PCNP: variants seen among roughly 807,000 people sequenced by gnomAD.
PCNP encodes PEST proteolytic signal containing nuclear protein.
Under a neutral mutation model 21.8 loss-of-function variants are expected in PCNP, and 6 were observed. The observed-to-expected ratio is 0.28, with a 90% confidence interval of 0.15 to 0.54. The LOEUF (loss-of-function observed/expected upper bound fraction) is 0.54. PCNP is among the 20% of genes least tolerant of loss of function. The pLI is 0.95. For missense variants in PCNP, 161 were observed against 215.5 expected (o/e 0.75, Z 1.58); for synonymous variants, 67 against 73.2 (o/e 0.92, Z 0.43).
At chr3:101,576,982 G>A (rs904171685) in intron 1 of PCNP, 2 of 941,260 alleles carry the variant, frequency 2.1e-6, no homozygotes, top group Middle Eastern at 3.2e-4. Flanking sequence ...TAGGCCTCCT[G>A]TGGAGGAGCA....
intron 1 of PCNP, among the ~76,000 whole-genome samples, chr3:101,575,378 T>C (rs1576601210): frequency 2.0e-5 from 3 of 152,252 alleles, no homozygotes; most frequent in East Asian, 1.9e-4. Flanking sequence ...TTAAGTGTAA[T>C]GTTAATTACT....
At chr3:101,588,323 C>G (rs1307800328) in intron 3 of PCNP, among the ~76,000 whole-genome samples, 1 of 152,156 alleles carries the variant, frequency 6.6e-6, no homozygotes, top group Non-Finnish European at 1.5e-5. Flanking sequence ...TGCCAGTGCA[C>G]ACACATGTTG....
intron 1 of PCNP, among the ~76,000 whole-genome samples, chr3:101,575,772 A>G (rs929621287): frequency 1.3e-5 from 2 of 152,208 alleles, no homozygotes; most frequent in African/African-American, 4.8e-5. Context: ...GAGTGTCATT[A>G]TAAATCCACT....
chr3:101,576,810 C>T (rs1576604113), intron 1 of PCNP: 1 of 1,610,502 alleles, frequency 6.2e-7, no homozygotes, highest in South Asian at 1.1e-5. Context: ...TGTCTGCTTT[C>T]CTCAACACCA....
intron 2 of PCNP, among the ~76,000 whole-genome samples, chr3:101,582,977 T>G (rs746879962): frequency 5.9e-5 from 9 of 152,196 alleles, no homozygotes; most frequent in Non-Finnish European, 1.0e-4. Context: ...TTAAACAGAT[T>G]TGCATCTTAG....
chr3:101,592,547 A>C (rs990378212), intron 4 of PCNP, 80 bp from the exon 5 acceptor site: 14 of 1,153,338 alleles, frequency 1.2e-5, no homozygotes, highest in Middle Eastern at 2.1e-4. Context: ...TGCTAAACAA[A>C]CATGTATTGA....
chr3:101,581,591 G>A (rs1245101429), intron 2 of PCNP, among the ~76,000 whole-genome samples: 6 of 151,826 alleles, frequency 4.0e-5, no homozygotes, highest in African/African-American at 1.5e-4. Flanking sequence ...ACGCCACCAC[G>A]TCTGGCTAAT....
intron 4 of PCNP, among the ~76,000 whole-genome samples, chr3:101,592,354 A>G (rs1173659471): frequency 6.6e-6 from 1 of 151,760 alleles, no homozygotes; most frequent in Non-Finnish European, 1.5e-5. Context: ...TCGTATTTTT[A>G]GTAGAGACGG....
chr3:101,588,807 A>G (rs1479782934), intron 3 of PCNP, among the ~76,000 whole-genome samples: 6 of 152,376 alleles, frequency 3.9e-5, no homozygotes, highest in Non-Finnish European at 8.8e-5. Context: ...AAATACCACA[A>G]AAGTGATGCC....
intron 4 of PCNP, 49 bp downstream of exon 4, chr3:101,590,319 A>G (rs376792719): frequency 6.0e-5 from 57 of 953,324 alleles, no homozygotes; most frequent in Middle Eastern, 4.5e-4. Context: ...AGGTGAATTA[A>G]CAAAAATAAC....
chr3:101,579,642 C>T (rs745771160), intron 1 of PCNP, 148 bp from the exon 2 acceptor site: 61 of 724,204 alleles, frequency 8.4e-5, no homozygotes, highest in Non-Finnish European at 1.4e-4. Flanking sequence ...CTGCTGTATA[C>T]TCTAACAAAC....
chr3:101,585,313 TC>T, intron 2 of PCNP, 123 bp from the exon 3 acceptor site: 1 of 605,506 alleles, frequency 1.7e-6, no homozygotes, highest in Middle Eastern at 4.1e-4. Flanking sequence ...AGTATTGGGT[TC>T]GTTACTATAC....
At position 101,592,159 on chromosome 3, in the gene PCNP, G is replaced by GT. The variant is rs1935845354; in HGVS notation, c.411-462dup. ...TTTTTTGTTTTTTGTTTTTTTGTGT[G>GT]TTTTTTGTTTTTTGTTTTTTTGTTT... On this transcript the variant is annotated intron_variant, in intron 4 of 4. Transcript: ENST00000265260. Among the ~76,000 whole-genome samples the GT allele has an allele frequency of 2.0e-5, 3 of 151,092 alleles. No individual in the cohort carries two copies. In the South Asian group the frequency reaches 6.3e-4, roughly 32 times the overall value.
chr3:101,576,801 G>A (rs1228402911), intron 1 of PCNP: 2 of 1,609,844 alleles, frequency 1.2e-6, no homozygotes, highest in African/African-American at 2.7e-5. Context: ...TGAGGTCAGT[G>A]TCTGCTTTCC....
Position 101,593,259 on chromosome 3 carries a change from ATTTGT to A in PCNP, c.*514_*518del, listed in dbSNP as rs1935908268. The A allele has an allele frequency of 6.6e-6, 1 of 152,484 alleles. No individual in the cohort carries two copies. The highest frequency in any genetic ancestry group is 2.1e-4 in the South Asian group (1 of 4,830). The allele number at this position is 152,484 out of a possible 1,614,324, so 9.4% of individuals were successfully genotyped here. ...AAATACAGCTTTTTTCCTTATGGGC[ATTTGT>A]TTTGTTTCAAGTCATCATAAACTAG... On this transcript the variant is annotated 3_prime_UTR_variant, in exon 5 of 5. Transcript: ENST00000265260.
intron 4 of PCNP, 151 bp downstream of exon 4, chr3:101,590,421 G>T: frequency 1.8e-6 from 1 of 561,594 alleles, no homozygotes; most frequent in Non-Finnish European, 3.2e-6. Context: ...TGATTAATTA[G>T]GATTTTGAAG....
intron 1 of PCNP, among the ~76,000 whole-genome samples, chr3:101,577,695 T>G (rs1239282724): frequency 6.6e-6 from 1 of 152,182 alleles, no homozygotes; most frequent in East Asian, 1.9e-4. Context: ...CATCTTAATT[T>G]GTACTTTTAG....
intron 3 of PCNP, among the ~76,000 whole-genome samples, chr3:101,586,545 C>CGT (rs377617517): frequency 0.017 from 1,668 of 99,828 alleles, 48 homozygotes; most frequent in African/African-American, 0.032. Context: ...GGCGTATATT[C>CGT]GTGTGTGTGT....
In PCNP at chr3:101,574,241, A is replaced by G; in HGVS notation, c.26A>G (p.Glu9Gly). MADGKAGD[E>G]KPEKSQRAGA... is the part of the protein sequence containing the mutation. ...ATGGCGGACGGGAAGGCGGGAGACG[A>G]GAAGCCTGAAAAGTCGCAGCGAGCT... Residue 9 changes from glutamate (E) to glycine (G), a missense_variant, in exon 1 of 5, where the codon GAG (glutamate) becomes GGG (glycine). This residue lies in a region of PCNP where 43 missense variants were observed against 26.6 expected (regional missense o/e 1.62). Transcript: ENST00000265260. 3 of 1,549,656 alleles carry G rather than the reference A, an allele frequency of 1.9e-6. No individual in the cohort carries two copies. Among genetic ancestry groups the G allele is most frequent in the Non-Finnish European group, 2.6e-6 (3 of 1,145,918 alleles).
Sources: gnomAD v4.1 joint callset for allele counts (sites outside exome capture counted in the v4.1 genomes callset) on GRCh38, gnomAD v4.1.1 for gene constraint, gnomAD v4.1.1 regional missense constraint, MANE v1.5 for transcripts, NCBI Gene and HGNC (gene_info 2026-07-23, HGNC 2026-07-21) for gene names.